The following EIF4A2 variants were observed in gnomAD, a reference collection of about 807,000 sequenced individuals.
The protein encoded by EIF4A2 is eukaryotic initiation factor 4A-II.
A neutral mutation model predicts 50.6 loss-of-function variants in EIF4A2; 9 were observed. That is an observed-to-expected ratio of 0.18 (90% CI 0.11 to 0.31). EIF4A2 has a LOEUF of 0.31. EIF4A2 is among the 10% of genes least tolerant of loss of function. The probability of loss-of-function intolerance (pLI) is 1.00; values close to 1 mark genes in which losing one functional copy is unlikely to be tolerated. For synonymous variants in EIF4A2, 215 were observed against 164.4 expected (o/e 1.31, Z -2.35); for missense variants, 182 against 501.8 (o/e 0.36, Z 6.09).
intron 10 of EIF4A2, 196 bp from the exon 11 acceptor site, chr3:186,788,929 C>A: frequency 1.6e-6 from 1 of 637,730 alleles, no homozygotes; most frequent in Non-Finnish European, 2.5e-6. Context: ...GCCAGACAAG[C>A]CTTGAATCCT....
In EIF4A2 at chr3:186,789,277, G is replaced by A. The variant is rs1721984070; in HGVS notation, c.*8G>A. ...GTGGCTGACCTTATTTAATTCCTGG[G>A]ATGAGAGTTTTGGATGCAGTGCTCG... is the stretch of plus-strand genomic sequence containing the variant. On this transcript the variant is annotated 3_prime_UTR_variant, in exon 11 of 11. Coordinates refer to ENST00000323963, the MANE Select transcript of EIF4A2 (RefSeq NM_001967.4). 1.2e-6 allele frequency: 2 copies of A among 1,602,260 alleles called. No individual in the cohort carries two copies. The highest frequency in any genetic ancestry group is 2.2e-5 in the East Asian group (1 of 44,454).
At chr3:186,788,371 A>G (rs978531203) in intron 10 of EIF4A2, 2 of 1,289,438 alleles carry the variant, frequency 1.6e-6, no homozygotes, top group African/African-American at 3.0e-5. Context: ...GTAATTTAGG[A>G]CGTGGAATCA....
intron 4 of EIF4A2, 66 bp from the exon 5 acceptor site, chr3:186,785,817 T>G (rs1194866175): frequency 1.9e-6 from 3 of 1,545,172 alleles, no homozygotes; most frequent in African/African-American, 2.7e-5. Context: ...TATTTGCCTT[T>G]ATGCTTTAAA....
At chr3:186,787,064 A>G in intron 7 of EIF4A2, 63 bp from the exon 8 acceptor site, 1 of 1,604,362 alleles carries the variant, frequency 6.2e-7, no homozygotes. Context: ...GCCCAGAATG[A>G]ATTTTTAACT....
intron 1 of EIF4A2, 150 bp downstream of exon 1, chr3:186,783,789 T>G: frequency 7.8e-7 from 1 of 1,275,238 alleles, no homozygotes; most frequent in Admixed American, 1.9e-5. Flanking sequence ...GCTTCCATGA[T>G]GGGTAGGGCC....
Position 186,789,402 on chromosome 3 carries a change from T to C in EIF4A2, c.*133T>C. The C allele has an allele frequency of 7.5e-7, 1 of 1,331,208 alleles. No individual in the cohort carries two copies. Among genetic ancestry groups the C allele is most frequent in the Non-Finnish European group, 1.0e-6 (1 of 997,604 alleles). The allele number at this position is 1,331,208 out of a possible 1,614,324, so 82.5% of individuals were successfully genotyped here. A position where few individuals can be genotyped will look rare whatever the true frequency, so the allele number is the denominator to read the frequency against. The stretch of plus-strand genomic sequence containing the variant: ...CATAACGGATCAGAAATACAGATTT[T>C]GATAGCAAAGCGACGTTAGTCGTGA... On this transcript the variant is annotated 3_prime_UTR_variant, in exon 11 of 11. Coordinates refer to ENST00000323963, the MANE Select transcript of EIF4A2 (RefSeq NM_001967.4).
rs986158668 is a variant in EIF4A2 at position 186,785,339 on chromosome 3, C to T, written c.348+238C>T. 3.3e-5 allele frequency: 18 copies of T among 543,954 alleles called. No individual in the cohort carries two copies. The East Asian group carries it at 4.4e-4, about 13-fold the overall frequency. The allele number at this position is 543,954 out of a possible 1,614,324, so 33.7% of individuals were successfully genotyped here. A position where few individuals can be genotyped will look rare whatever the true frequency, so the allele number is the denominator to read the frequency against. On this transcript the variant is annotated intron_variant, in intron 4 of 10. Transcript: ENST00000323963. ...AAGCGCTCTCTTGGATGTACTAGATCTGTCCCCATTTTTTAAGTTTGAATG... is the reference window on the plus strand; with the variant it reads ...AAGCGCTCTCTTGGATGTACTAGATTTGTCCCCATTTTTTAAGTTTGAATG...
chr3:186,785,128 T>A, intron 4 of EIF4A2, 27 bp downstream of exon 4: 1 of 1,611,638 alleles, frequency 6.2e-7, no homozygotes, highest in South Asian at 1.1e-5. Context: ...TCAAAAAAAC[T>A]GCTTGCGTGT....
At chr3:186,783,802 G>A (rs182792761) in intron 1 of EIF4A2, 163 bp downstream of exon 1, 4 of 1,128,638 alleles carry the variant, frequency 3.5e-6, no homozygotes, top group Non-Finnish European at 3.9e-6. Context: ...GTAGGGCCCG[G>A]ATTGTGGGGA....
At chr3:186,785,327 G>A in intron 4 of EIF4A2, 1 of 597,732 alleles carries the variant, frequency 1.7e-6, no homozygotes, top group South Asian at 2.2e-5. Flanking sequence ...CGCTCTCTTG[G>A]ATGTACTAGA....
At chr3:186,786,376 T>C in intron 6 of EIF4A2, 103 bp downstream of exon 6, 1 of 1,521,696 alleles carries the variant, frequency 6.6e-7, no homozygotes, top group Non-Finnish European at 8.9e-7. Context: ...TCCCCCTGCT[T>C]AAAGCACTTG....
Position 186,789,761 on chromosome 3 carries a change from G to GCACAC in EIF4A2, c.*492_*493insCACAC. ...ATTTATTCAATAAAGTATTTAATTA[G>GCACAC]TGCTAAGTGTGAACTGGACCCTGTT... is the stretch of plus-strand genomic sequence containing the variant. On this transcript the variant is annotated 3_prime_UTR_variant, in exon 11 of 11. Coordinates refer to ENST00000323963, the MANE Select transcript of EIF4A2 (RefSeq NM_001967.4). 1 of 530,312 alleles carries GCACAC rather than the reference G, an allele frequency of 1.9e-6. No individual in the cohort carries two copies. The highest frequency in any genetic ancestry group is 3.3e-6 in the Non-Finnish European group (1 of 300,022). The allele number at this position is 530,312 out of a possible 1,614,324, so 32.9% of individuals were successfully genotyped here. A position where few individuals can be genotyped will look rare whatever the true frequency, so the allele number is the denominator to read the frequency against.
chr3:186,783,663 G>C (rs765474598), intron 1 of EIF4A2, 24 bp downstream of exon 1: 2 of 1,614,092 alleles, frequency 1.2e-6, no homozygotes, highest in East Asian at 2.2e-5. Context: ...TGGCGGTCGC[G>C]GTCTGTAGTG....
At chr3:186,785,754 T>C in intron 4 of EIF4A2, 129 bp from the exon 5 acceptor site, 1 of 1,194,922 alleles carries the variant, frequency 8.4e-7, no homozygotes, top group Non-Finnish European at 1.1e-6. Flanking sequence ...CATTTTAAGC[T>C]TGGAAGTAGT....
At chr3:186,788,690 GAAAA>G (rs1419522939) in intron 10 of EIF4A2, 2 of 231,780 alleles carry the variant, frequency 8.6e-6, no homozygotes, top group Non-Finnish European at 1.7e-5. Flanking sequence ...GTAAGTTTTA[GAAAA>G]TAGTTAACCT....
rs1011762644 is a variant in EIF4A2 at position 186,789,423 on chromosome 3, C to T, written c.*154C>T. ...ATTTTGATAGCAAAGCGACGTTAGT[C>T]GTGAGCTCTTGTGAGGAAAGTCATT... On this transcript the variant is annotated 3_prime_UTR_variant, in exon 11 of 11. Transcript: ENST00000323963. 3.4e-5 allele frequency: 38 copies of T among 1,114,744 alleles called. 1 individual carries two copies. In the East Asian group the frequency reaches 6.5e-4, roughly 19 times the overall value. The allele number at this position is 1,114,744 out of a possible 1,614,324, so 69.1% of individuals were successfully genotyped here. A position where few individuals can be genotyped will look rare whatever the true frequency, so the allele number is the denominator to read the frequency against.
Position 186,787,524 on chromosome 3 carries a change from T to G in EIF4A2, c.939T>G (p.Asp313Glu), listed in dbSNP as rs748724172. The G allele has an allele frequency of 1.9e-6, 3 of 1,613,564 alleles. No homozygotes were observed. The highest frequency in any genetic ancestry group is 2.5e-6 in the Non-Finnish European group (3 of 1,179,568). The change falls in exon 9 of 11, where the codon GAT (aspartate) becomes GAG (glutamate). Residue 313 changes from aspartate to glutamate, a missense_variant. Transcript: ENST00000323963. The stretch of plus-strand genomic sequence containing the variant: ...GTGACATGGACCAGAAGGAGAGAGA[T>G]GTTATCATGAGGGAATTCCGGTCAG... ...LHGDMDQKERDVIMREFRSGS... is the reference protein window; with the variant it reads ...LHGDMDQKEREVIMREFRSGS...
At chr3:186,784,318 T>A (rs1291634251) in intron 1 of EIF4A2, 114 bp from the exon 2 acceptor site, 2 of 1,487,764 alleles carry the variant, frequency 1.3e-6, no homozygotes, top group African/African-American at 2.8e-5. Flanking sequence ...GGCTGCTGCT[T>A]TAGCTTGTGC....
intron 7 of EIF4A2, 82 bp downstream of exon 7, chr3:186,786,727 G>A: frequency 6.3e-7 from 1 of 1,582,884 alleles, no homozygotes; most frequent in Non-Finnish European, 8.7e-7. Context: ...ACCATGTCTT[G>A]GTTTTTGCAA....
Sources: allele counts gnomAD v4.1 joint callset, GRCh38; gene constraint gnomAD v4.1.1; transcripts MANE v1.5; gene names NCBI Gene and HGNC (gene_info 2026-07-23, HGNC 2026-07-21).